Variants in CNTNAP2 observed in about 807,000 individuals in gnomAD.
CNTNAP2 encodes the protein contactin-associated protein-like 2.
CNTNAP2 carries 98 observed loss-of-function variants against 155.2 expected under a neutral mutation model. The ratio of observed to expected loss-of-function variants is 0.63; its 90% CI spans 0.54 to 0.75. The LOEUF is 0.75. Among genes scored for constraint, CNTNAP2 ranks in the 30% least tolerant of loss-of-function variants. The pLI is 0.00. For synonymous variants in CNTNAP2, 651 were observed against 631.2 expected (o/e 1.03, Z -0.47); for missense variants, 1,727 against 1,688.1 (o/e 1.02, Z -0.40).
At chr7:147,056,591 T>C (rs1246171517) in intron 4 of CNTNAP2, among the ~76,000 whole-genome samples, 1 of 152,204 alleles carries the variant, frequency 6.6e-6, no homozygotes, top group African/African-American at 2.4e-5. Context: ...GGTGTGGGTG[T>C]GTTTTTTGTT....
At chr7:147,269,729 G>A (rs962175065) in intron 8 of CNTNAP2, among the ~76,000 whole-genome samples, 10 of 152,118 alleles carry the variant, frequency 6.6e-5, no homozygotes, top group Non-Finnish European at 1.5e-4. Flanking sequence ...TAGTAGAGAT[G>A]AGGGATATGA....
At chr7:146,829,499 G>T (rs1803469823) in intron 2 of CNTNAP2, among the ~76,000 whole-genome samples, 1 of 152,062 alleles carries the variant, frequency 6.6e-6, no homozygotes, top group Admixed American at 6.5e-5. Context: ...AGAATGGAAA[G>T]AACTTGTAGT....
intron 13 of CNTNAP2, among the ~76,000 whole-genome samples, chr7:147,708,464 G>A (rs956153132): frequency 6.6e-6 from 1 of 152,162 alleles, no homozygotes; most frequent in African/African-American, 2.4e-5. Flanking sequence ...TAGGGGCTAG[G>A]CTTTCAATAT....
intron 3 of CNTNAP2, among the ~76,000 whole-genome samples, chr7:146,999,028 CTTG>C (rs1415908950): frequency 1.6e-4 from 24 of 151,604 alleles, no homozygotes; most frequent in Non-Finnish European, 2.8e-4. Flanking sequence ...CTTTTTGTTA[CTTG>C]TTTTCTAGTT....
chr7:147,452,726 T>C (rs984178097), intron 10 of CNTNAP2, among the ~76,000 whole-genome samples: 4 of 152,274 alleles, frequency 2.6e-5, no homozygotes, highest in African/African-American at 9.6e-5. Context: ...TTACATTACA[T>C]TGATATTGCT....
In CNTNAP2 at chr7:148,106,098, G is replaced by A. The variant is rs150960396; in HGVS notation, c.2384-12020G>A. Among the ~76,000 whole-genome samples, 104 of 152,292 alleles carry A rather than the reference G, an allele frequency of 6.8e-4. 1 individual carries two copies. Among genetic ancestry groups the A allele is most frequent in the African/African-American group, 2.4e-3 (100 of 41,572 alleles). On this transcript the variant is annotated intron_variant, in intron 15 of 23. Transcript: ENST00000361727. The stretch of plus-strand genomic sequence containing the variant: ...ATCAGGCCTTGGGGATTGACTGGAT[G>A]CTAAGGAAGGGCTCCCAGGTTCCTG...
intron 13 of CNTNAP2, among the ~76,000 whole-genome samples, chr7:147,791,588 A>G (rs767045198): frequency 6.6e-6 from 1 of 151,990 alleles, no homozygotes; most frequent in African/African-American, 2.4e-5. Flanking sequence ...CTAGGAGAGT[A>G]TAAGGAAGGG....
At chr7:147,314,123 A>G (rs7804443) in intron 9 of CNTNAP2, among the ~76,000 whole-genome samples, 74,262 of 151,598 alleles carry the variant, frequency 0.49, 19,329 homozygotes, top group East Asian at 0.73. Context: ...TGTATCCTGA[A>G]ACTTTGCTGA....
rs565741722 is a variant in CNTNAP2, at chr7:147,825,075, T to C, written c.2099-78490T>C. Among the ~76,000 whole-genome samples, 3 of 152,224 alleles carry C rather than the reference T, an allele frequency of 2.0e-5. No homozygotes were observed. The South Asian group carries it at 6.2e-4, about 32-fold the overall frequency. Reference sequence around the variant, plus strand: ...CTTAAATAGAGTCTAAGATTTTATGTATCAAATATTTACCTAATTTTTAAA... The same window carrying C: ...CTTAAATAGAGTCTAAGATTTTATGCATCAAATATTTACCTAATTTTTAAA... On this transcript the variant is annotated intron_variant, in intron 13 of 23. Transcript: ENST00000361727.
At chr7:146,899,496 A>C (rs1012995004) in intron 3 of CNTNAP2, among the ~76,000 whole-genome samples, 2 of 72,372 alleles carry the variant, frequency 2.8e-5, no homozygotes, top group South Asian at 4.0e-4. Context: ...CTTTCCCTGC[A>C]TGCATTGAAC....
At chr7:147,619,278 A>G (rs988485911) in intron 12 of CNTNAP2, among the ~76,000 whole-genome samples, 1 of 152,248 alleles carries the variant, frequency 6.6e-6, no homozygotes, top group East Asian at 1.9e-4. Flanking sequence ...ATATGCATAA[A>G]TGATAACACA....
At position 147,695,571 on chromosome 7, in the gene CNTNAP2, G is replaced by A. The variant is rs575388402; in HGVS notation, c.2098+56265G>A. Among the ~76,000 whole-genome samples, 111 of 152,244 alleles carry A rather than the reference G, an allele frequency of 7.3e-4. 1 individual carries two copies. Among genetic ancestry groups the A allele is most frequent in the African/African-American group, 2.6e-3 (108 of 41,534 alleles). On this transcript the variant is annotated intron_variant, in intron 13 of 23. Coordinates refer to ENST00000361727, the MANE Select transcript of CNTNAP2 (RefSeq NM_014141.6). Reference sequence around the variant, plus strand: ...TCCCAGCACTTTGGGAGGCCAAGGTGGGTGGATCACGAGGTCAGGAGTTCA... The same window carrying A: ...TCCCAGCACTTTGGGAGGCCAAGGTAGGTGGATCACGAGGTCAGGAGTTCA...
chr7:146,692,048 G>T (rs1277710255), intron 1 of CNTNAP2, among the ~76,000 whole-genome samples: 2 of 152,084 alleles, frequency 1.3e-5, no homozygotes, highest in East Asian at 3.9e-4. Flanking sequence ...ATTGGTCAGA[G>T]ATGACAGTCT....
At chr7:147,493,122 T>C (rs1455937515) in intron 11 of CNTNAP2, among the ~76,000 whole-genome samples, 1 of 152,214 alleles carries the variant, frequency 6.6e-6, no homozygotes, top group Non-Finnish European at 1.5e-5. Context: ...CTGATCCGTA[T>C]ACTCTTCATT....
chr7:147,919,338 G>A (rs1800217036), intron 14 of CNTNAP2, among the ~76,000 whole-genome samples: 1 of 151,834 alleles, frequency 6.6e-6, no homozygotes, highest in South Asian at 2.1e-4. Context: ...CTAGAGTGCA[G>A]TGGCGCGATC....
At chr7:147,588,787 A>G (rs1800683458) in intron 12 of CNTNAP2, among the ~76,000 whole-genome samples, 1 of 152,120 alleles carries the variant, frequency 6.6e-6, no homozygotes, top group Non-Finnish European at 1.5e-5. Context: ...CAACCTCACA[A>G]CAAGTGCTGG....
intron 13 of CNTNAP2, among the ~76,000 whole-genome samples, chr7:147,880,497 C>T (rs1799501058): frequency 6.6e-6 from 1 of 151,982 alleles, no homozygotes; most frequent in Admixed American, 6.6e-5. Flanking sequence ...TGAGTGAGTC[C>T]TGTGTCTACT....
chr7:146,347,777 G>T (rs1326791247), intron 1 of CNTNAP2, among the ~76,000 whole-genome samples: 1 of 152,076 alleles, frequency 6.6e-6, no homozygotes, highest in African/African-American at 2.4e-5. Context: ...TGTTGGCCAG[G>T]CTGGTATTGA....
intron 13 of CNTNAP2, among the ~76,000 whole-genome samples, chr7:147,677,485 G>A (rs1326103860): frequency 2.6e-5 from 4 of 151,962 alleles, no homozygotes; most frequent in African/African-American, 9.6e-5. Flanking sequence ...TTACTCTGTT[G>A]ATTGTTTCCT....
Sources: gnomAD v4.1 joint callset for allele counts (sites outside exome capture counted in the v4.1 genomes callset) on GRCh38, gnomAD v4.1.1 for gene constraint, MANE v1.5 for transcripts, NCBI Gene and HGNC (gene_info 2026-07-23, HGNC 2026-07-21) for gene names.